GALNT13: variants seen among roughly 807,000 people sequenced by gnomAD.
The protein encoded by GALNT13 is polypeptide N-acetylgalactosaminyltransferase 13.
GALNT13 carries 28 observed loss-of-function variants against 64.2 expected under a neutral mutation model. That is an observed-to-expected ratio of 0.44 (90% CI 0.32 to 0.60). The LOEUF (loss-of-function observed/expected upper bound fraction) is 0.60, where lower values mean the gene tolerates loss of function less well. Ranked by LOEUF, GALNT13 falls within the 20% of genes least tolerant of loss-of-function variation. GALNT13 has a pLI of 0.05. For synonymous variants in GALNT13, 214 were observed against 224.6 expected (o/e 0.95, Z 0.42); for missense variants, 577 against 669.8 (o/e 0.86, Z 1.53).
At chr2:153,302,510 G>A in the GALNT13 span, among the ~76,000 whole-genome samples, 1,491 of 151,958 alleles carry the variant, frequency 9.8e-3, 21 homozygotes, top group African/African-American at 0.032. Flanking sequence ...TTCACATTCC[G>A]TAAGTTGTCG....
intron 9 of GALNT13, among the ~76,000 whole-genome samples, chr2:154,344,798 A>G (rs1276640738): frequency 6.6e-6 from 1 of 152,034 alleles, no homozygotes; most frequent in Non-Finnish European, 1.5e-5. Context: ...TAGTGCGAAT[A>G]GAATTTGAGA....
chr2:153,388,455 TGAG>T, the GALNT13 span, among the ~76,000 whole-genome samples: 1 of 152,072 alleles, frequency 6.6e-6, no homozygotes, highest in Admixed American at 6.6e-5. Context: ...TGACTAGTGA[TGAG>T]GAGTGGCTAA....
At chr2:153,139,353 G>A in the GALNT13 span, among the ~76,000 whole-genome samples, 1 of 151,974 alleles carries the variant, frequency 6.6e-6, no homozygotes, top group East Asian at 1.9e-4. Flanking sequence ...GTGCTCAAAT[G>A]TCCTTTTTTG....
At chr2:154,355,017 A>C (rs1696653504) in intron 9 of GALNT13, among the ~76,000 whole-genome samples, 1 of 152,028 alleles carries the variant, frequency 6.6e-6, no homozygotes, top group Non-Finnish European at 1.5e-5. Context: ...GTTGGAATTG[A>C]ATCATAATCC....
At chr2:153,756,702 T>C in the GALNT13 span, among the ~76,000 whole-genome samples, 5 of 152,134 alleles carry the variant, frequency 3.3e-5, no homozygotes, top group African/African-American at 1.2e-4. Flanking sequence ...GGTTTACCAT[T>C]TTAGAATGTA....
At chr2:153,598,049 G>A in the GALNT13 span, among the ~76,000 whole-genome samples, 1 of 152,072 alleles carries the variant, frequency 6.6e-6, no homozygotes, top group South Asian at 2.1e-4. Context: ...TAAATATAGA[G>A]TTTATAAATA....
At chr2:154,320,122 G>C (rs1365663407) in intron 9 of GALNT13, among the ~76,000 whole-genome samples, 12 of 151,944 alleles carry the variant, frequency 7.9e-5, no homozygotes, top group Admixed American at 7.9e-4. Context: ...CATTTTTAAG[G>C]GTAGCTATTT....
At chr2:154,121,515 A>G (rs1397175394) in intron 3 of GALNT13, among the ~76,000 whole-genome samples, 2 of 152,166 alleles carry the variant, frequency 1.3e-5, no homozygotes, top group Admixed American at 6.5e-5. Context: ...GTAGTCTAAC[A>G]TATATAGATT....
At chr2:154,234,881 A>C (rs890415908) in intron 4 of GALNT13, among the ~76,000 whole-genome samples, 16 of 152,106 alleles carry the variant, frequency 1.1e-4, no homozygotes, top group Admixed American at 9.2e-4. Flanking sequence ...AGAATCCCCT[A>C]GTCTATTGGA....
In GALNT13 at chr2:154,223,306, G is replaced by A. The variant is rs1046702697; in HGVS notation, c.312-18724G>A. On this transcript the variant is annotated intron_variant, in intron 4 of 12. Transcript: ENST00000392825. ...TTCATACAGCTAAATGTAAGAGATA[G>A]CAGTAACATATAAGGGCTTCTGGAT... Among the ~76,000 whole-genome samples, 16 of 151,984 alleles carry A rather than the reference G, an allele frequency of 1.1e-4. 1 individual carries two copies. Among genetic ancestry groups the A allele is most frequent in the Admixed American group, 1.1e-3 (16 of 15,220 alleles).
At chr2:153,920,617 T>G (rs1025499290) in intron 2 of GALNT13, among the ~76,000 whole-genome samples, 1 of 151,754 alleles carries the variant, frequency 6.6e-6, no homozygotes, top group Non-Finnish European at 1.5e-5. Flanking sequence ...GCAACAAAAA[T>G]AAAAATTGAC....
intron 9 of GALNT13, among the ~76,000 whole-genome samples, chr2:154,394,077 C>CAAAAAAAAAAAAA (rs369267777): frequency 1.6e-4 from 5 of 32,008 alleles, no homozygotes; most frequent in Non-Finnish European, 2.0e-4. Context: ...GACTCCGTCT[C>CAAAAAAAAAAAAA]AAAAAAAAAA....
the GALNT13 span, among the ~76,000 whole-genome samples, chr2:153,139,121 A>G: frequency 1.3e-5 from 2 of 152,096 alleles, no homozygotes; most frequent in Admixed American, 1.3e-4. Context: ...ATAGCAGTCA[A>G]CATGAGATTT....
the GALNT13 span, among the ~76,000 whole-genome samples, chr2:153,481,287 C>G: frequency 6.6e-6 from 1 of 152,138 alleles, no homozygotes; most frequent in East Asian, 1.9e-4. Flanking sequence ...CATTAATTGA[C>G]TTAAGGGGAT....
At chr2:153,562,750 G>C in the GALNT13 span, among the ~76,000 whole-genome samples, 1 of 151,994 alleles carries the variant, frequency 6.6e-6, no homozygotes, top group African/African-American at 2.4e-5. Flanking sequence ...TTAAGTATTT[G>C]TCTCTGTCAT....
chr2:153,105,467 C>G, the GALNT13 span, among the ~76,000 whole-genome samples: 62 of 152,232 alleles, frequency 4.1e-4, no homozygotes, highest in African/African-American at 1.4e-3. Flanking sequence ...TGGCACAAGA[C>G]AGGGATGCCC....
chr2:154,254,678 T>C (rs1410213241), intron 7 of GALNT13, among the ~76,000 whole-genome samples: 1 of 152,146 alleles, frequency 6.6e-6, no homozygotes, highest in Non-Finnish European at 1.5e-5. Context: ...TATAAGACAT[T>C]AAAAGAGAGA....
chr2:153,439,455 G>T, the GALNT13 span, among the ~76,000 whole-genome samples: 3 of 152,150 alleles, frequency 2.0e-5, no homozygotes, highest in East Asian at 3.9e-4. Flanking sequence ...CTTGAGCTGT[G>T]GTGGGCTCCA....
At chr2:153,551,670 A>G in the GALNT13 span, among the ~76,000 whole-genome samples, 1 of 152,198 alleles carries the variant, frequency 6.6e-6, no homozygotes. Flanking sequence ...CTGAGCAACT[A>G]AAAATGTTAC....
Sources: gnomAD v4.1 joint callset for allele counts (sites outside exome capture counted in the v4.1 genomes callset) on GRCh38, gnomAD v4.1.1 for gene constraint, MANE v1.5 for transcripts, NCBI Gene and HGNC (gene_info 2026-07-23, HGNC 2026-07-21) for gene names.